The following BAIAP2L1 variants were observed in gnomAD, a reference collection of about 807,000 sequenced individuals.
The protein encoded by BAIAP2L1 is BAR/IMD domain-containing adapter protein 2-like 1.
In BAIAP2L1, 35 loss-of-function variants were observed where a neutral mutation model predicts 66.3. That is an observed-to-expected ratio of 0.53 (90% confidence interval 0.40 to 0.70). The LOEUF is 0.70. Among genes scored for constraint, BAIAP2L1 ranks in the 30% least tolerant of loss-of-function variants. The pLI is 0.00. For synonymous variants in BAIAP2L1, 269 were observed against 248.7 expected (o/e 1.08, Z -0.77); for missense variants, 622 against 656.9 (o/e 0.95, Z 0.58).
chr7:98,326,929 C>T (rs1443591354), intron 3 of BAIAP2L1, among the ~76,000 whole-genome samples: 3 of 151,390 alleles, frequency 2.0e-5, no homozygotes, highest in Non-Finnish European at 4.4e-5. Flanking sequence ...AATGGACAAT[C>T]AAAACAAACA....
chr7:98,329,242 A>G (rs915313895), intron 3 of BAIAP2L1, among the ~76,000 whole-genome samples: 4 of 152,252 alleles, frequency 2.6e-5, no homozygotes. Context: ...GACGCATGAC[A>G]GGACTAAGCT....
At chr7:98,384,827 T>C (rs943672545) in intron 1 of BAIAP2L1, among the ~76,000 whole-genome samples, 6 of 151,322 alleles carry the variant, frequency 4.0e-5, no homozygotes, top group South Asian at 4.2e-4. Context: ...GCCTCCCAAG[T>C]AGCTGGGTTT....
At chr7:98,375,705 G>A (rs370513517) in intron 1 of BAIAP2L1, among the ~76,000 whole-genome samples, 5 of 133,438 alleles carry the variant, frequency 3.7e-5, no homozygotes, top group South Asian at 4.6e-4. Flanking sequence ...TCACACCCCC[G>A]CACTCCAGCC....
intron 12 of BAIAP2L1, among the ~76,000 whole-genome samples, chr7:98,296,366 C>T (rs1409076329): frequency 6.6e-6 from 1 of 152,232 alleles, no homozygotes; most frequent in African/African-American, 2.4e-5. Context: ...TGGCTCATGC[C>T]TGTAATCCCA....
intron 2 of BAIAP2L1, among the ~76,000 whole-genome samples, chr7:98,357,565 CAAA>C: frequency 9.6e-6 from 1 of 104,318 alleles, no homozygotes; most frequent in South Asian, 3.1e-4. Flanking sequence ...GACTCAGTCT[CAAA>C]AAAAAAAAAA....
intron 11 of BAIAP2L1, among the ~76,000 whole-genome samples, chr7:98,305,634 G>T (rs945816421): frequency 2.0e-5 from 3 of 152,086 alleles, no homozygotes; most frequent in Non-Finnish European, 4.4e-5. Flanking sequence ...TGTTGCGCAG[G>T]CTGGTCCTGA....
At position 98,357,047 on chromosome 7, in the gene BAIAP2L1, A is replaced by AT. The variant is rs1202330694; in HGVS notation, c.128-1920dup. Among the ~76,000 whole-genome samples the AT allele has an allele frequency of 6.7e-4, 11 of 16,486 alleles. No homozygotes were observed. In the East Asian group the frequency reaches 7.9e-3, roughly 12 times the overall value. 10.8% of individuals were successfully genotyped at this position (16,486 alleles called of 152,430 possible). On this transcript the variant is annotated intron_variant, in intron 2 of 13. Transcript: ENST00000005260. ...TATATATATATATATATATATATAT[A>AT]TATTTTTTTTTTTTTTTTTTTAAGA...
At chr7:98,321,331 A>G (rs1341078679) in intron 3 of BAIAP2L1, among the ~76,000 whole-genome samples, 1 of 152,232 alleles carries the variant, frequency 6.6e-6, no homozygotes, top group African/African-American at 2.4e-5. Context: ...TCTGTCAGGC[A>G]CGAGAGATAA....
At chr7:98,361,732 TTTC>T (rs1019100394) in intron 2 of BAIAP2L1, among the ~76,000 whole-genome samples, 2 of 152,132 alleles carry the variant, frequency 1.3e-5, no homozygotes, top group African/African-American at 4.8e-5. Context: ...CTAAAAAAAA[TTTC>T]TTCTTTTTTT....
chr7:98,315,134 CTGAT>C (rs1159792634), intron 7 of BAIAP2L1, among the ~76,000 whole-genome samples: 2 of 149,514 alleles, frequency 1.3e-5, no homozygotes, highest in African/African-American at 2.6e-5. Flanking sequence ...TACGTATGGA[CTGAT>C]TGAGACAGGG....
At chr7:98,386,279 C>A (rs1017058223) in intron 1 of BAIAP2L1, 28 of 1,595,872 alleles carry the variant, frequency 1.8e-5, no homozygotes, top group Non-Finnish European at 2.3e-5. Context: ...CGGGTAAGAT[C>A]CATGCCATGG....
intron 3 of BAIAP2L1, among the ~76,000 whole-genome samples, chr7:98,333,702 T>A (rs928639691): frequency 1.8e-4 from 28 of 152,196 alleles, no homozygotes; most frequent in African/African-American, 6.8e-4. Context: ...TGGTTTTATG[T>A]CATTTTCAGA....
intron 1 of BAIAP2L1, among the ~76,000 whole-genome samples, chr7:98,376,657 C>CAAAAA (rs71112147): frequency 8.6e-5 from 8 of 92,896 alleles, no homozygotes; most frequent in African/African-American, 3.5e-4. Flanking sequence ...CCCATCTTTA[C>CAAAAA]AAAAAAAAAA....
chr7:98,303,733 A>C (rs1181673052), intron 12 of BAIAP2L1, among the ~76,000 whole-genome samples: 1 of 152,188 alleles, frequency 6.6e-6, no homozygotes, highest in Non-Finnish European at 1.5e-5. Flanking sequence ...CGTTAACCCT[A>C]AACGCCGTGC....
In BAIAP2L1 at chr7:98,400,895, G is replaced by T. The variant is rs745658794; in HGVS notation, c.-43C>A. On this transcript the variant is annotated 5_prime_UTR_variant, in exon 1 of 14. Transcript: ENST00000005260. ...GAGCAAGCGCGGGAGGACGCGGCTG[G>T]GCCTCGTGGCCGCCGGACTCCGGGC... 5.3e-6 allele frequency: 8 copies of T among 1,505,754 alleles called. No homozygotes were observed. The South Asian group carries it at 8.8e-5, about 17-fold the overall frequency. 93.3% of individuals were successfully genotyped at this position (1,505,754 alleles called of 1,614,324 possible).
intron 3 of BAIAP2L1, among the ~76,000 whole-genome samples, chr7:98,324,772 CA>C (rs1352550138): frequency 6.6e-6 from 1 of 151,940 alleles, no homozygotes; most frequent in African/African-American, 2.4e-5. Flanking sequence ...ACCCTGTCTC[CA>C]AAAAGAAAAA....
At chr7:98,313,411 T>C (rs536386734) in intron 7 of BAIAP2L1, among the ~76,000 whole-genome samples, 2 of 152,208 alleles carry the variant, frequency 1.3e-5, no homozygotes, top group African/African-American at 4.8e-5. Flanking sequence ...GGTGCTAGGC[T>C]GCCTCATGAC....
chr7:98,318,945 CA>C (rs369964958), intron 5 of BAIAP2L1, among the ~76,000 whole-genome samples: 20,576 of 114,412 alleles, frequency 0.18, 1,454 homozygotes, highest in South Asian at 0.33. Context: ...GACTCCATCT[CA>C]AAAAAAAAAA....
At chr7:98,321,236 A>G (rs1229240546) in intron 3 of BAIAP2L1, among the ~76,000 whole-genome samples, 2 of 152,182 alleles carry the variant, frequency 1.3e-5, no homozygotes, top group Non-Finnish European at 2.9e-5. Context: ...ATTGTCTCAC[A>G]AATGATTACT....
Sources: allele counts gnomAD v4.1 joint callset (sites outside exome capture counted in the v4.1 genomes callset), GRCh38; gene constraint gnomAD v4.1.1; transcripts MANE v1.5; gene names NCBI Gene and HGNC (gene_info 2026-07-23, HGNC 2026-07-21).